The following PLA2G4A variants were observed in gnomAD, a reference collection of about 807,000 sequenced individuals.
PLA2G4A encodes phospholipase A2 group IVA, also known as cytosolic phospholipase A2.
PLA2G4A carries 40 observed loss-of-function variants against 81.9 expected under a neutral mutation model. The ratio of observed to expected loss-of-function variants is 0.49; its 90% CI spans 0.38 to 0.64. The LOEUF is 0.64. PLA2G4A is among the 30% of genes least tolerant of loss of function. The pLI is 0.00. For missense variants in PLA2G4A, 715 were observed against 905.1 expected (o/e 0.79, Z 2.69); for synonymous variants, 302 against 296.9 (o/e 1.02, Z -0.18).
At chr1:186,870,557 T>C (rs1653222407) in intron 3 of PLA2G4A, 41 bp downstream of exon 3, 1 of 1,381,136 alleles carries the variant, frequency 7.2e-7, no homozygotes, top group East Asian at 2.3e-5. Context: ...CATGTAATTA[T>C]GGTTCAGCCT....
At chr1:186,831,442 G>C (rs1047075493) in intron 1 of PLA2G4A, among the ~76,000 whole-genome samples, 1 of 152,132 alleles carries the variant, frequency 6.6e-6, no homozygotes, top group South Asian at 2.1e-4. Flanking sequence ...ATAATTAACT[G>C]TACAATATTA....
chr1:186,858,679 A>G (rs761089791), intron 2 of PLA2G4A, among the ~76,000 whole-genome samples: 171 of 152,102 alleles, frequency 1.1e-3, no homozygotes, highest in Non-Finnish European at 1.8e-3. Context: ...ATAGCAACAT[A>G]TTTAGGCTAT....
chr1:186,849,766 T>C (rs1440889809), intron 1 of PLA2G4A, among the ~76,000 whole-genome samples: 2 of 152,116 alleles, frequency 1.3e-5, no homozygotes, highest in Non-Finnish European at 2.9e-5. Flanking sequence ...ATTTTTTGGA[T>C]TCCTTGTTTT....
intron 1 of PLA2G4A, among the ~76,000 whole-genome samples, chr1:186,844,086 T>C (rs571042095): frequency 1.3e-5 from 2 of 152,170 alleles, no homozygotes; most frequent in Non-Finnish European, 2.9e-5. Flanking sequence ...TTCCATACCA[T>C]TGGGTTCCAG....
chr1:186,895,356 A>C (rs1282537253), intron 5 of PLA2G4A, among the ~76,000 whole-genome samples: 1 of 152,098 alleles, frequency 6.6e-6, no homozygotes, highest in East Asian at 1.9e-4. Context: ...TGGTCCATGC[A>C]CTCCTTGGTG....
At chr1:186,847,457 C>T (rs1346782598) in intron 1 of PLA2G4A, among the ~76,000 whole-genome samples, 1 of 151,852 alleles carries the variant, frequency 6.6e-6, no homozygotes, top group East Asian at 1.9e-4. Context: ...GGATTTCCCA[C>T]ATTCCTCGTT....
At chr1:186,924,851 A>C (rs1476774616) in intron 7 of PLA2G4A, among the ~76,000 whole-genome samples, 1 of 152,164 alleles carries the variant, frequency 6.6e-6, no homozygotes, top group Non-Finnish European at 1.5e-5. Flanking sequence ...GAGGATCAAG[A>C]CTGGCCCAGC....
chr1:186,965,149 T>A (rs1180827383), intron 14 of PLA2G4A, among the ~76,000 whole-genome samples: 2 of 152,264 alleles, frequency 1.3e-5, no homozygotes, highest in African/African-American at 4.8e-5. Flanking sequence ...CTAAGTGCTT[T>A]CCATGCGTTG....
intron 12 of PLA2G4A, among the ~76,000 whole-genome samples, chr1:186,947,671 C>T (rs1656392952): frequency 6.6e-6 from 1 of 152,074 alleles, no homozygotes; most frequent in Admixed American, 6.6e-5. Flanking sequence ...GTATTTTAAT[C>T]AACATTAATT....
chr1:186,896,215 G>GGCTT (rs377749728), intron 5 of PLA2G4A, among the ~76,000 whole-genome samples: 23 of 152,166 alleles, frequency 1.5e-4, no homozygotes, highest in African/African-American at 5.3e-4. Flanking sequence ...ATACATACAG[G>GGCTT]GCTTAGAACA....
intron 13 of PLA2G4A, 152 bp downstream of exon 13, chr1:186,950,880 T>A: frequency 1.5e-6 from 1 of 667,218 alleles, no homozygotes. Context: ...GAGGATTGCA[T>A]GTTGCATGTC....
chr1:186,882,217 T>C (rs947885498), intron 3 of PLA2G4A, among the ~76,000 whole-genome samples: 1 of 152,118 alleles, frequency 6.6e-6, no homozygotes, highest in African/African-American at 2.4e-5. Flanking sequence ...TCTGGGGAAC[T>C]TGATTTAAAG....
chr1:186,950,816 G>A (rs1571434668), intron 13 of PLA2G4A, 88 bp downstream of exon 13: 1 of 772,348 alleles, frequency 1.3e-6, no homozygotes. Context: ...GATGCTGATG[G>A]TAATCTTCAC....
intron 6 of PLA2G4A, among the ~76,000 whole-genome samples, chr1:186,907,784 G>T (rs1327352048): frequency 6.6e-6 from 1 of 152,170 alleles, no homozygotes; most frequent in Non-Finnish European, 1.5e-5. Context: ...TTGATCCCTG[G>T]AACATGTGGA....
intron 2 of PLA2G4A, among the ~76,000 whole-genome samples, chr1:186,855,697 T>C (rs1652526489): frequency 6.6e-6 from 1 of 152,068 alleles, no homozygotes; most frequent in Non-Finnish European, 1.5e-5. Flanking sequence ...TTCCACACTT[T>C]TACATTGCCT....
chr1:186,968,598 A>T (rs1657222113), intron 15 of PLA2G4A, among the ~76,000 whole-genome samples: 1 of 151,822 alleles, frequency 6.6e-6, no homozygotes, highest in Admixed American at 6.6e-5. Flanking sequence ...ATAAAATAAA[A>T]ATATATACTA....
intron 7 of PLA2G4A, among the ~76,000 whole-genome samples, chr1:186,920,331 TC>T (rs1439904937): frequency 2.0e-5 from 3 of 152,080 alleles, no homozygotes; most frequent in Non-Finnish European, 4.4e-5. Context: ...CTATCTCATG[TC>T]CCCCCACCGA....
rs181307881 is a variant in PLA2G4A at position 186,919,999 on chromosome 1, T to C, written c.558+8610T>C. Among the ~76,000 whole-genome samples, 638 of 152,252 alleles carry C rather than the reference T, an allele frequency of 4.2e-3. 1 individual carries two copies. The highest frequency in any genetic ancestry group is 7.2e-3 in the Non-Finnish European group (491 of 68,014). ...TTCTCTGGGAACCGGATACTGCTTT[T>C]GTCTAATTGGTTGGGCCCCAGGCTT... is the stretch of plus-strand genomic sequence containing the variant. On this transcript the variant is annotated intron_variant, in intron 7 of 17. Coordinates refer to ENST00000367466, the MANE Select transcript of PLA2G4A (RefSeq NM_024420.3).
At chr1:186,831,010 CTTTCTTTCTTTT>C (rs1389171110) in intron 1 of PLA2G4A, among the ~76,000 whole-genome samples, 2 of 135,092 alleles carry the variant, frequency 1.5e-5, no homozygotes, top group Non-Finnish European at 1.6e-5. Context: ...TTCTTTCTTT[CTTTCTTTCTTTT>C]TCTTTCTTTC....
Sources: gnomAD v4.1 joint callset for allele counts (sites outside exome capture counted in the v4.1 genomes callset) on GRCh38, gnomAD v4.1.1 for gene constraint, MANE v1.5 for transcripts, NCBI Gene and HGNC (gene_info 2026-07-23, HGNC 2026-07-21) for gene names.